Variants in EPDR1 observed in about 807,000 individuals in gnomAD.
EPDR1 encodes ependymin related 1, also known as mammalian ependymin-related protein 1.
A neutral mutation model predicts 23.7 loss-of-function variants in EPDR1; 27 were observed. The ratio of observed to expected loss-of-function variants is 1.14; its 90% CI spans 0.84 to 1.57. The LOEUF is 1.57. Ranked by LOEUF, EPDR1 falls within the 40% of genes most tolerant of loss-of-function variation. EPDR1 has a pLI of 0.00. For synonymous variants in EPDR1, 137 were observed against 118.2 expected (o/e 1.16, Z -1.03); for missense variants, 349 against 290.4 (o/e 1.20, Z -1.47).
chr7:37,931,012 C>A (rs900283816), intron 1 of EPDR1, among the ~76,000 whole-genome samples: 11 of 151,786 alleles, frequency 7.2e-5, no homozygotes, highest in African/African-American at 2.7e-4. Flanking sequence ...TCGTATTTAC[C>A]TTTATTTCAA....
intron 1 of EPDR1, among the ~76,000 whole-genome samples, chr7:37,936,005 T>C (rs1315924871): frequency 5.1e-5 from 4 of 78,468 alleles, no homozygotes; most frequent in African/African-American, 2.0e-4. Context: ...TATATATATA[T>C]ATATATATAT....
In EPDR1 at chr7:37,920,759, C is replaced by T. The variant is rs1378967168; in HGVS notation, c.-181C>T. On this transcript the variant is annotated 5_prime_UTR_variant, in exon 1 of 3. Transcript: ENST00000199448. ...TTCCCCGGGCCCTGGTCCCGGCTAC[C>T]GGGACTCGCGCGTCCGGATCTCAAA... is the stretch of plus-strand genomic sequence containing the variant. 8 of 1,609,330 alleles carry T rather than the reference C, an allele frequency of 5.0e-6. No individual in the cohort carries two copies. Among genetic ancestry groups the T allele is most frequent in the Non-Finnish European group, 6.8e-6 (8 of 1,177,646 alleles).
chr7:37,944,478 C>T (rs1373936695), intron 1 of EPDR1, among the ~76,000 whole-genome samples: 1 of 152,136 alleles, frequency 6.6e-6, no homozygotes, highest in Non-Finnish European at 1.5e-5. Context: ...TTAGTCTGTT[C>T]TCATGCTGCT....
intron 1 of EPDR1, among the ~76,000 whole-genome samples, chr7:37,933,091 A>G (rs577350416): frequency 3.9e-5 from 6 of 152,234 alleles, no homozygotes; most frequent in Non-Finnish European, 8.8e-5. Context: ...TGTATCTAAC[A>G]CAATTTTGAA....
intron 2 of EPDR1, among the ~76,000 whole-genome samples, chr7:37,949,827 C>G (rs1392700690): frequency 6.6e-6 from 1 of 152,168 alleles, no homozygotes; most frequent in South Asian, 2.1e-4. Context: ...CTGAGTAAAC[C>G]TTGAGGACAT....
Position 37,921,280 on chromosome 7 carries a change from C to T in EPDR1, c.269+72C>T, listed in dbSNP as rs368454921. The stretch of plus-strand genomic sequence containing the variant: ...ATGGGGAGGGCGAGGTCGCAGAGGC[C>T]TGCGCCCTGTAACTCTTTCCGGCCC... On this transcript the variant is annotated intron_variant, in intron 1 of 2. Transcript: ENST00000199448. The T allele has an allele frequency of 2.1e-4, 313 of 1,501,768 alleles. 2 individuals are homozygous for T. The South Asian group carries it at 3.8e-3, about 18-fold the overall frequency. The allele number at this position is 1,501,768 out of a possible 1,614,324, so 93.0% of individuals were successfully genotyped here.
chr7:37,924,417 T>G (rs1044580899), intron 1 of EPDR1, among the ~76,000 whole-genome samples: 1 of 152,244 alleles, frequency 6.6e-6, no homozygotes, highest in Admixed American at 6.5e-5. Flanking sequence ...GTGCTGTTCC[T>G]GACCCCTTCC....
chr7:37,921,339 T>C (rs1785696060), intron 1 of EPDR1, 131 bp downstream of exon 1: 1 of 1,421,506 alleles, frequency 7.0e-7, no homozygotes, highest in Non-Finnish European at 9.1e-7. Context: ...GAGAGATCTT[T>C]CGCGAGGAGG....
intron 1 of EPDR1, among the ~76,000 whole-genome samples, chr7:37,940,266 T>C (rs928602860): frequency 6.6e-6 from 1 of 152,182 alleles, no homozygotes; most frequent in Non-Finnish European, 1.5e-5. Flanking sequence ...ATGGAAGCAG[T>C]TGAAAAGTGT....
Position 37,950,515 on chromosome 7 carries a change from A to G in EPDR1, c.*119A>G, listed in dbSNP as rs73693228. The G allele has an allele frequency of 5.2e-3, 4,877 of 946,636 alleles. 163 individuals carry two copies. In the African/African-American group the frequency reaches 0.071, roughly 14 times the overall value. 58.6% of individuals were successfully genotyped at this position (946,636 alleles called of 1,614,324 possible). A position where few individuals can be genotyped will look rare whatever the true frequency, so the allele number is the denominator to read the frequency against. ...TGGAGAGAAATATAATTTTAGGAAG[A>G]TGCACATTGATGTGGGGTTTTGATG... is the stretch of plus-strand genomic sequence containing the variant. On this transcript the variant is annotated 3_prime_UTR_variant, in exon 3 of 3. Transcript: ENST00000199448.
intron 1 of EPDR1, chr7:37,921,535 C>A: frequency 7.8e-7 from 1 of 1,290,090 alleles, no homozygotes; most frequent in South Asian, 2.7e-5. Context: ...GCTGCTGAGT[C>A]AGGCTCTGGG....
chr7:37,929,144 A>T lies in EPDR1; in HGVS notation c.269+7936A>T, dbSNP rs531378018. On this transcript the variant is annotated intron_variant, in intron 1 of 2. Coordinates refer to ENST00000199448, the MANE Select transcript of EPDR1 (RefSeq NM_017549.5). ...TTTTTCCTAAGAAGCTGCATGACTT[A>T]CTCCCAAATTGAACTGTTTCTCTGC... Among the ~76,000 whole-genome samples the T allele has an allele frequency of 3.9e-4, 60 of 152,190 alleles. 1 individual carries two copies. The highest frequency in any genetic ancestry group is 3.0e-3 in the Admixed American group (46 of 15,292).
intron 1 of EPDR1, among the ~76,000 whole-genome samples, chr7:37,936,556 G>A (rs1166259381): frequency 6.6e-6 from 1 of 152,136 alleles, no homozygotes; most frequent in Non-Finnish European, 1.5e-5. Context: ...TATGGATATA[G>A]TATTCCTGGA....
chr7:37,922,665 T>TGCG (rs145894040), intron 1 of EPDR1, among the ~76,000 whole-genome samples: 3 of 150,054 alleles, frequency 2.0e-5, no homozygotes, highest in Non-Finnish European at 4.5e-5. Flanking sequence ...TTGAGGAAGC[T>TGCG]AGGGGGGGGT....
In EPDR1 at chr7:37,948,827, A is replaced by G. The variant is rs976516993; in HGVS notation, c.270-13A>G. On this transcript the variant is annotated splice_polypyrimidine_tract_variant and intron_variant, in intron 1 of 2. Coordinates refer to ENST00000199448, the MANE Select transcript of EPDR1 (RefSeq NM_017549.5). Reference sequence around the variant, plus strand: ...ATGAAGTCCCAAACTACTTCTTTCCATCTGTGTTTCAGATTATTTGAATAT... The same window carrying G: ...ATGAAGTCCCAAACTACTTCTTTCCGTCTGTGTTTCAGATTATTTGAATAT... The G allele has an allele frequency of 4.3e-6, 7 of 1,611,826 alleles. No individual in the cohort carries two copies. Among genetic ancestry groups the G allele is most frequent in the Non-Finnish European group, 5.9e-6 (7 of 1,178,088 alleles).
Position 37,920,892 on chromosome 7 carries a change from G to A in EPDR1, c.-48G>A, listed in dbSNP as rs936620825. On this transcript the variant is annotated 5_prime_UTR_variant, in exon 1 of 3. Coordinates refer to ENST00000199448, the MANE Select transcript of EPDR1 (RefSeq NM_017549.5). ...CCACTCTGATCCCGGACGCCTCAGC[G>A]CCCCCTTGGGCTTGGGCTTGCCCTC... The A allele has an allele frequency of 2.5e-6, 4 of 1,611,462 alleles. No individual in the cohort carries two copies. The highest frequency in any genetic ancestry group is 2.2e-5 in the East Asian group (1 of 44,842).
intron 1 of EPDR1, among the ~76,000 whole-genome samples, chr7:37,933,393 T>TCCTTCCC (rs1283452831): frequency 2.6e-5 from 4 of 152,218 alleles, no homozygotes; most frequent in Non-Finnish European, 4.4e-5. Flanking sequence ...GAAGAATCAC[T>TCCTTCCC]CCTTCCCCCT....
At position 37,951,173 on chromosome 7, in the gene EPDR1, C is replaced by G. The variant is rs1244641922; in HGVS notation, c.*777C>G. The G allele has an allele frequency of 6.6e-6, 1 of 152,166 alleles. No individual in the cohort carries two copies. Among genetic ancestry groups the G allele is most frequent in the Non-Finnish European group, 1.5e-5 (1 of 68,030 alleles). The allele number at this position is 152,166 out of a possible 1,614,324, so 9.4% of individuals were successfully genotyped here. On this transcript the variant is annotated 3_prime_UTR_variant, in exon 3 of 3. Transcript: ENST00000199448. ...CTGAATCTTCACAGACTTGTCAATA[C>G]ACAGGCAGTATTCTAAAATAGCACT...
intron 1 of EPDR1, among the ~76,000 whole-genome samples, chr7:37,944,148 G>A (rs906809146): frequency 2.6e-5 from 4 of 152,204 alleles, no homozygotes; most frequent in Non-Finnish European, 5.9e-5. Context: ...CTCTGTAAGC[G>A]GGGGTGCTCC....
Sources: gnomAD v4.1 joint callset for allele counts (sites outside exome capture counted in the v4.1 genomes callset) on GRCh38, gnomAD v4.1.1 for gene constraint, MANE v1.5 for transcripts, NCBI Gene and HGNC (gene_info 2026-07-23, HGNC 2026-07-21) for gene names.